Variants in DNAJC9 observed in about 807,000 individuals in gnomAD.
DNAJC9 encodes DnaJ heat shock protein family (Hsp40) member C9, also known as dnaJ homolog subfamily C member 9.
In DNAJC9, 18 loss-of-function variants were observed where a neutral mutation model predicts 32.4. That is an observed-to-expected ratio of 0.56 (90% CI 0.38 to 0.82). DNAJC9 has a LOEUF of 0.82. Among genes scored for constraint, DNAJC9 ranks in the 40% least tolerant of loss-of-function variants. The pLI, the probability that DNAJC9 is intolerant of heterozygous loss-of-function variation, is 0.00. For missense variants in DNAJC9, 310 were observed against 321.8 expected, an observed-to-expected ratio of 0.96 and a Z score of 0.28; for synonymous variants, 113 against 122.1, an observed-to-expected ratio of 0.93 and a Z score of 0.49.
At position 73,242,392 on chromosome 10, in the gene DNAJC9, A is replaced by G. The variant is rs2043964816; in HGVS notation, c.*1008T>C. 6.6e-6 allele frequency: 1 copy of G among 151,422 alleles called. No individual in the cohort carries two copies. Among genetic ancestry groups the G allele is most frequent in the Non-Finnish European group, 1.5e-5 (1 of 67,986 alleles). The allele number at this position is 151,422 out of a possible 1,614,324, so 9.4% of individuals were successfully genotyped here. ...TGAGTTCACTATAACAACTGGATCA[A>G]TATGGCTTGCCTTTCAAAGTTAAAG... On this transcript the variant is annotated 3_prime_UTR_variant, in exon 5 of 5. Transcript: ENST00000372950.
downstream of DNAJC9, chr10:73,239,277 G>C: frequency 6.7e-7 from 1 of 1,498,086 alleles, no homozygotes; most frequent in Admixed American, 2.0e-5. Context: ...GTGAGAAGAT[G>C]CATCATAAGA....
chr10:73,234,979 T>C (rs1253083121), downstream of DNAJC9: 2 of 1,547,576 alleles, frequency 1.3e-6, no homozygotes, highest in Non-Finnish European at 8.7e-7. Flanking sequence ...GTACTTACCA[T>C]ACAACCTAAT....
At chr10:73,236,940 C>T (rs1015175581), downstream of DNAJC9, among the ~76,000 whole-genome samples, 4 of 151,384 alleles carry the variant, frequency 2.6e-5, no homozygotes, top group Admixed American at 2.0e-4. Context: ...TCTCAAACTC[C>T]GAGGTTCAAG....
intron 3 of DNAJC9, among the ~76,000 whole-genome samples, chr10:73,245,662 T>C (rs12258130): frequency 0.18 from 27,029 of 152,056 alleles, 4,215 homozygotes; most frequent in African/African-American, 0.4. Flanking sequence ...AGAATTGGCC[T>C]ACATGAAAAA....
chr10:73,238,446 A>G (rs2043871563), downstream of DNAJC9, among the ~76,000 whole-genome samples: 1 of 152,230 alleles, frequency 6.6e-6, no homozygotes, highest in Non-Finnish European at 1.5e-5. Flanking sequence ...CCAGTAAACT[A>G]CAGTTCCTGG....
intron 4 of DNAJC9, 103 bp downstream of exon 4, chr10:73,243,740 C>T (rs552394659): frequency 1.1e-5 from 13 of 1,169,362 alleles, no homozygotes; most frequent in East Asian, 7.2e-5. Flanking sequence ...AGAAGGTATG[C>T]GGTTATGTCT....
chr10:73,234,904 G>A (rs774250509), downstream of DNAJC9: 92 of 1,551,904 alleles, frequency 5.9e-5, no homozygotes, highest in Non-Finnish European at 7.8e-5. Flanking sequence ...CAGCTGAAGT[G>A]GAACATGTGA....
chr10:73,239,304 T>C (rs941911769), downstream of DNAJC9: 12 of 1,551,088 alleles, frequency 7.7e-6, no homozygotes, highest in Non-Finnish European at 1.0e-5. Flanking sequence ...TCCTCTTTTG[T>C]CTTGTAGCTG....
downstream of DNAJC9, chr10:73,238,716 C>T (rs1026674778): frequency 1.1e-4 from 16 of 152,208 alleles, no homozygotes; most frequent in African/African-American, 3.9e-4. Flanking sequence ...GATTTCAGTG[C>T]TCTCTCAAGG....
downstream of DNAJC9, among the ~76,000 whole-genome samples, chr10:73,236,450 G>A (rs1355536707): frequency 7.2e-6 from 1 of 139,104 alleles, no homozygotes; most frequent in Non-Finnish European, 1.5e-5. Context: ...GTCTCGCTCT[G>A]TCACCTAGGG....
chr10:73,233,045 A>G, intron 2 of DNAJC9: 1 of 1,551,746 alleles, frequency 6.4e-7, no homozygotes, highest in South Asian at 1.2e-5. Context: ...TCTGTCATAC[A>G]CAGTGCAGTC....
intron 2 of DNAJC9, chr10:73,233,132 T>A (rs1202032588): frequency 1.9e-6 from 3 of 1,551,720 alleles, no homozygotes; most frequent in Non-Finnish European, 2.6e-6. Context: ...AACACCAAGA[T>A]CTGTGGAAGA....
At chr10:73,240,778 C>T (rs1423484914), downstream of DNAJC9, among the ~76,000 whole-genome samples, 1 of 151,434 alleles carries the variant, frequency 6.6e-6, no homozygotes, top group Non-Finnish European at 1.5e-5. Context: ...GTAAATCAGA[C>T]ATCTTGCTTC....
chr10:73,246,543 T>A, intron 2 of DNAJC9, 145 bp downstream of exon 2: 1 of 887,202 alleles, frequency 1.1e-6, no homozygotes, highest in Non-Finnish European at 1.8e-6. Flanking sequence ...TCAGTAAGCG[T>A]GCGTGTATCT....
downstream of DNAJC9, among the ~76,000 whole-genome samples, chr10:73,236,579 A>G (rs187712019): frequency 6.6e-6 from 1 of 151,612 alleles, no homozygotes; most frequent in African/African-American, 2.4e-5. Context: ...ACGCCCAGCT[A>G]ATTTTTGTAA....
chr10:73,234,715 C>T (rs1228318992), downstream of DNAJC9: 8 of 1,279,310 alleles, frequency 6.3e-6, no homozygotes, highest in Non-Finnish European at 4.3e-6. Context: ...TTTCTGTGCA[C>T]ATTAAACTCA....
chr10:73,234,318 T>TAA (rs1350509447), downstream of DNAJC9: 2 of 154,176 alleles, frequency 1.3e-5, no homozygotes, highest in African/African-American at 4.8e-5. Flanking sequence ...GTTGCTTTGT[T>TAA]ACTTCTGGGA....
chr10:73,234,813 G>T (rs768535982), downstream of DNAJC9: 2 of 1,551,256 alleles, frequency 1.3e-6, no homozygotes, highest in South Asian at 2.4e-5. Flanking sequence ...GGTGGGATCT[G>T]CAGCCCAGTG....
rs572176414 is a variant in DNAJC9, at chr10:73,242,408, A to C, written c.*992T>G. 6.7e-6 allele frequency: 1 copy of C among 148,974 alleles called. No individual in the cohort carries two copies. Among genetic ancestry groups the C allele is most frequent in the Non-Finnish European group, 1.5e-5 (1 of 67,688 alleles). The allele number at this position is 148,974 out of a possible 1,614,324, so 9.2% of individuals were successfully genotyped here. On this transcript the variant is annotated 3_prime_UTR_variant, in exon 5 of 5. Transcript: ENST00000372950. ...ACTGGATCAATATGGCTTGCCTTTC[A>C]AAGTTAAAGAATCAGAAAGGGGCCT...
Sources: gnomAD v4.1 joint callset for allele counts (sites outside exome capture counted in the v4.1 genomes callset) on GRCh38, gnomAD v4.1.1 for gene constraint, MANE v1.5 for transcripts, NCBI Gene and HGNC (gene_info 2026-07-23, HGNC 2026-07-21) for gene names.